The following SHISA7 variants were observed in gnomAD, a reference collection of about 807,000 sequenced individuals.
The protein encoded by SHISA7 is protein shisa-7.
In SHISA7, 6 loss-of-function variants were observed where a neutral mutation model predicts 23.9. The ratio of observed to expected loss-of-function variants is 0.25; its 90% confidence interval spans 0.14 to 0.50. SHISA7 has a LOEUF of 0.50. SHISA7 is among the 20% of genes least tolerant of loss of function. The probability of loss-of-function intolerance (pLI) is 0.98; values close to 1 mark genes in which losing one functional copy is unlikely to be tolerated. For synonymous variants in SHISA7, 386 were observed against 398.3 expected, an observed-to-expected ratio of 0.97 and a Z score of 0.37; for missense variants, 671 against 801.1, an observed-to-expected ratio of 0.84 and a Z score of 1.96.
In SHISA7 at chr19:55,432,393, C is replaced by T. The variant is rs1313904573; in HGVS notation, c.*763G>A. On this transcript the variant is annotated 3_prime_UTR_variant, in exon 4 of 4. Coordinates refer to ENST00000376325, the MANE Select transcript of SHISA7 (RefSeq NM_001145176.2). This position sits in a 1 kb window ranked among gnomAD's most constrained non-coding sequence, Gnocchi z 4.6. ...GTGGTCATCTCTGGTGATGACATCA[C>T]AGGAAGAGGCACGGTCCCTCTGATG... is the stretch of plus-strand genomic sequence containing the variant. 1 of 152,608 alleles carries T rather than the reference C, an allele frequency of 6.6e-6. No individual in the cohort carries two copies. Among genetic ancestry groups the T allele is most frequent in the Non-Finnish European group, 1.5e-5 (1 of 68,044 alleles). The allele number at this position is 152,608 out of a possible 1,614,324, so 9.5% of individuals were successfully genotyped here. A position where few individuals can be genotyped will look rare whatever the true frequency, so the allele number is the denominator to read the frequency against.
At chr19:55,434,171 C>A (rs1459986172) in intron 3 of SHISA7, among the ~76,000 whole-genome samples, 4 of 152,088 alleles carry the variant, frequency 2.6e-5, no homozygotes, top group Non-Finnish European at 5.9e-5. Context: ...AAAATGAAAT[C>A]AAATAGAACA....
Position 55,442,675 on chromosome 19 carries a change from G to A in SHISA7, c.189C>T (p.Thr63=), listed in dbSNP as rs1166281286. The change falls in exon 1 of 4, where the codon ACC becomes ACT. Residue 63 remains threonine, a synonymous_variant. Coordinates refer to ENST00000376325, the MANE Select transcript of SHISA7 (RefSeq NM_001145176.2). ...CCGCGCCCGCCCCGCCCGCGGGGCC[G>A]GTCCTGGTGCCGTTGGCGCCTGGGC... is the stretch of plus-strand genomic sequence containing the variant. ...AASPGANGTR[T]GPAGGAGAAA... is the part of the protein sequence containing the mutation. The A allele has an allele frequency of 3.4e-6, 4 of 1,183,744 alleles. No individual in the cohort carries two copies. The highest frequency in any genetic ancestry group is 2.4e-5 in the South Asian group (1 of 42,144). 73.3% of individuals were successfully genotyped at this position (1,183,744 alleles called of 1,614,324 possible).
At chr19:55,440,472 A>C (rs1985570341) in intron 2 of SHISA7, 139 bp downstream of exon 2, 3 of 796,148 alleles carry the variant, frequency 3.8e-6, no homozygotes, top group South Asian at 1.3e-4. Context: ...GCAGGGCAGG[A>C]CCCGGCAGTG....
Position 55,432,884 on chromosome 19 carries a change from G to T in SHISA7, c.*272C>A. The stretch of plus-strand genomic sequence containing the variant: ...GGGAACGAGGCTTTGTCCCTGTGAT[G>T]ACATCACAGAACACAGACATTTTTG... On this transcript the variant is annotated 3_prime_UTR_variant, in exon 4 of 4. Coordinates refer to ENST00000376325, the MANE Select transcript of SHISA7 (RefSeq NM_001145176.2). This position sits in a 1 kb window ranked among gnomAD's most constrained non-coding sequence, Gnocchi z 4.6. 6.8e-6 allele frequency: 3 copies of T among 441,168 alleles called. No individual in the cohort carries two copies. The highest frequency in any genetic ancestry group is 1.2e-5 in the Non-Finnish European group (3 of 249,096). 27.3% of individuals were successfully genotyped at this position (441,168 alleles called of 1,614,324 possible). A position where few individuals can be genotyped will look rare whatever the true frequency, so the allele number is the denominator to read the frequency against.
chr19:55,438,750 G>C (rs759216494), intron 2 of SHISA7: 1 of 640,194 alleles, frequency 1.6e-6, no homozygotes, highest in African/African-American at 1.9e-5. Context: ...CCTCGTTAGA[G>C]CTCCACAGAT....
At chr19:55,434,806 G>T (rs949829728) in intron 3 of SHISA7, among the ~76,000 whole-genome samples, 4 of 100,414 alleles carry the variant, frequency 4.0e-5, no homozygotes, top group Non-Finnish European at 8.0e-5. Context: ...GTGTGTGCGT[G>T]TGTGCATGGT....
At chr19:55,439,336 C>T (rs1158591297) in intron 2 of SHISA7, among the ~76,000 whole-genome samples, 1 of 152,204 alleles carries the variant, frequency 6.6e-6, no homozygotes, top group Non-Finnish European at 1.5e-5. Context: ...GTCTCTTCTC[C>T]TCTCCACCCC....
Position 55,433,381 on chromosome 19 carries a change from C to A in SHISA7, c.1392G>T (p.Pro464=), listed in dbSNP as rs893345515. Residue 464 remains proline, a synonymous_variant, in exon 4 of 4, where the codon CCG becomes CCT. Coordinates refer to ENST00000376325, the MANE Select transcript of SHISA7 (RefSeq NM_001145176.2). This position sits in a 1 kb window ranked among gnomAD's most constrained non-coding sequence, Gnocchi z 8.4. ...LLLGPGGPPT[P]LRGLPPPSSL... ...TGGACGGTGGCGGCAGCCCGCGCAGCGGTGTTGGGGGCCCCCCGGGCCCCA... is the reference window on the plus strand; with the variant it reads ...TGGACGGTGGCGGCAGCCCGCGCAGAGGTGTTGGGGGCCCCCCGGGCCCCA... The A allele has an allele frequency of 1.5e-6, 2 of 1,343,682 alleles. No individual in the cohort carries two copies. Among genetic ancestry groups the A allele is most frequent in the Non-Finnish European group, 1.9e-6 (2 of 1,056,786 alleles). 83.2% of individuals were successfully genotyped at this position (1,343,682 alleles called of 1,614,324 possible).
At chr19:55,434,618 CGTGTGTGTGTGGT>C (rs1985339167) in intron 3 of SHISA7, among the ~76,000 whole-genome samples, 2 of 25,766 alleles carry the variant, frequency 7.8e-5, no homozygotes, top group Admixed American at 1.1e-3. Context: ...TGTGGTATGG[CGTGTGTGTGTGGT>C]GTGTGTGGTT....
In SHISA7 at chr19:55,433,144, C is replaced by T; in HGVS notation, c.*12G>A. The T allele has an allele frequency of 6.6e-7, 1 of 1,515,652 alleles. No individual in the cohort carries two copies. Among genetic ancestry groups the T allele is most frequent in the Non-Finnish European group, 8.8e-7 (1 of 1,137,018 alleles). The allele number at this position is 1,515,652 out of a possible 1,614,324, so 93.9% of individuals were successfully genotyped here. Reference sequence around the variant, plus strand: ...CCCGGGAGGCCGCAGCCCCCCAGACCCGGCCCTGGCCTCAGACAGTCACCT... The same window carrying T: ...CCCGGGAGGCCGCAGCCCCCCAGACTCGGCCCTGGCCTCAGACAGTCACCT... On this transcript the variant is annotated 3_prime_UTR_variant, in exon 4 of 4. Coordinates refer to ENST00000376325, the MANE Select transcript of SHISA7 (RefSeq NM_001145176.2). This position sits in a 1 kb window ranked among gnomAD's most constrained non-coding sequence, Gnocchi z 8.4.
chr19:55,434,641 TGTGTGTATG>T (rs1419232005), intron 3 of SHISA7, among the ~76,000 whole-genome samples: 10 of 53,440 alleles, frequency 1.9e-4, no homozygotes, highest in South Asian at 7.7e-4. Flanking sequence ...TGTGTGTGGT[TGTGTGTATG>T]GTGTGTGTGG....
chr19:55,434,375 GTGTA>G (rs1192852026), intron 3 of SHISA7, among the ~76,000 whole-genome samples: 6 of 138,130 alleles, frequency 4.3e-5, no homozygotes, highest in African/African-American at 1.6e-4. Context: ...TGTGTGTGGT[GTGTA>G]TGTGGGTGTG....
rs1422884416 is a variant in SHISA7, at chr19:55,437,729, G to C, written c.852C>G (p.Ser284Arg). The C allele has an allele frequency of 6.4e-7, 1 of 1,550,954 alleles. No homozygotes were observed. The change falls in exon 3 of 4, where the codon AGC becomes AGG. Residue 284 changes from serine (S) to arginine (R), a missense_variant. Transcript: ENST00000376325. ...NLDWRALPPP[S>R]PSLHYSTLSC... ...ACAGCGTGGAGTAGTGCAAGGAGGG[G>C]CTGGGCGGCGGCAAGGCTCGCCAGT...
At chr19:55,434,850 CGTGTGTGTATATGTGGTGTGTGTGGT>C (rs1443847395) in intron 3 of SHISA7, among the ~76,000 whole-genome samples, 152 of 34,766 alleles carry the variant, frequency 4.4e-3, no homozygotes, top group African/African-American at 6.7e-3. Flanking sequence ...TGTGTGTGTG[CGTGTGTGTATATGTGGTGTGTGTGGT>C]GTGTGTGTAT....
chr19:55,437,409 AAGG>A (rs1985490380), intron 3 of SHISA7, among the ~76,000 whole-genome samples, 193 bp downstream of exon 3: 1 of 152,274 alleles, frequency 6.6e-6, no homozygotes, highest in African/African-American at 2.4e-5. Flanking sequence ...GGGAGACCAG[AAGG>A]TTGCATTAAA....
At chr19:55,434,362 G>A (rs1985308332) in intron 3 of SHISA7, among the ~76,000 whole-genome samples, 1 of 138,716 alleles carries the variant, frequency 7.2e-6, no homozygotes, top group Admixed American at 7.2e-5. Flanking sequence ...TATATGTGGT[G>A]TGTGTGTGTG....
At chr19:55,437,533 C>A in intron 3 of SHISA7, 72 bp downstream of exon 3, 1 of 1,493,198 alleles carries the variant, frequency 6.7e-7, no homozygotes, top group Non-Finnish European at 9.0e-7. Flanking sequence ...GGGCCACTGT[C>A]CACGGTCCTG....
In SHISA7 at chr19:55,432,216, C is replaced by T. The variant is rs1343122847; in HGVS notation, c.*940G>A. ...GACAGGGCCCCTCTCTGCTCTCTGG[C>T]ATCTTCCCTGGGGTGGTCCTGGACT... On this transcript the variant is annotated 3_prime_UTR_variant, in exon 4 of 4. Coordinates refer to ENST00000376325, the MANE Select transcript of SHISA7 (RefSeq NM_001145176.2). The surrounding 1 kb of genome is among the most constrained non-coding windows in gnomAD (Gnocchi z 4.6). 1 of 152,824 alleles carries T rather than the reference C, an allele frequency of 6.5e-6. No homozygotes were observed. Among genetic ancestry groups the T allele is most frequent in the Non-Finnish European group, 1.5e-5 (1 of 68,156 alleles). The allele number at this position is 152,824 out of a possible 1,614,324, so 9.5% of individuals were successfully genotyped here. A position where few individuals can be genotyped will look rare whatever the true frequency, so the allele number is the denominator to read the frequency against.
intron 1 of SHISA7, among the ~76,000 whole-genome samples, chr19:55,441,813 C>T (rs1375549298): frequency 2.6e-5 from 4 of 152,214 alleles, no homozygotes; most frequent in Non-Finnish European, 4.4e-5. Flanking sequence ...GGAACAGAGA[C>T]GTTAAGCAAC....
Sources: allele counts gnomAD v4.1 joint callset (sites outside exome capture counted in the v4.1 genomes callset), GRCh38; gene constraint gnomAD v4.1.1; non-coding constraint Gnocchi (gnomAD v3.1); transcripts MANE v1.5; gene names NCBI Gene and HGNC (gene_info 2026-07-23, HGNC 2026-07-21).